DPH6: variants seen among roughly 807,000 people sequenced by gnomAD.
DPH6 encodes diphthamine biosynthesis 6, also known as diphthine--ammonia ligase.
Under a neutral mutation model 38.2 loss-of-function variants are expected in DPH6, and 33 were observed. That is an observed-to-expected ratio of 0.86 (90% confidence interval 0.65 to 1.15). The LOEUF (loss-of-function observed/expected upper bound fraction) is 1.15, where lower values mean the gene tolerates loss of function less well. DPH6 is among the 50% of genes most tolerant of loss of function. DPH6 has a pLI of 0.00. For missense variants in DPH6, 325 were observed against 320.0 expected (o/e 1.02, Z -0.12); for synonymous variants, 108 against 103.0 (o/e 1.05, Z -0.30).
chr15:35,317,016 G>C (rs751968907), intron 3 of DPH6, among the ~76,000 whole-genome samples: 2 of 152,182 alleles, frequency 1.3e-5, no homozygotes, highest in Non-Finnish European at 2.9e-5. Flanking sequence ...CCAGCTGTTT[G>C]TAAGGCTGAG....
At chr15:35,437,957 A>G (rs1357023820) in intron 5 of DPH6, among the ~76,000 whole-genome samples, 1 of 152,186 alleles carries the variant, frequency 6.6e-6, no homozygotes, top group Non-Finnish European at 1.5e-5. Flanking sequence ...TCCACAAATC[A>G]CCTTGAATTT....
intron 6 of DPH6, 109 bp downstream of exon 6, chr15:35,410,720 ATGAATG>A (rs1241205306): frequency 1.3e-6 from 1 of 757,186 alleles, no homozygotes; most frequent in African/African-American, 1.9e-5. Flanking sequence ...TAAATATATT[ATGAATG>A]TATTTGATTT....
intron 3 of DPH6, among the ~76,000 whole-genome samples, chr15:35,361,892 A>G (rs565333130): frequency 3.0e-4 from 44 of 147,546 alleles, no homozygotes; most frequent in Non-Finnish European, 5.3e-4. Flanking sequence ...CTTTGTAATG[A>G]TTACTTTGAA....
chr15:35,428,561 G>T (rs1328024309), intron 5 of DPH6, among the ~76,000 whole-genome samples: 1 of 152,086 alleles, frequency 6.6e-6, no homozygotes, highest in Non-Finnish European at 1.5e-5. Flanking sequence ...TGGGCCTGGG[G>T]CAATCTCCTG....
chr15:35,385,287 T>G (rs185838912), intron 6 of DPH6, among the ~76,000 whole-genome samples: 1 of 152,332 alleles, frequency 6.6e-6, no homozygotes, highest in African/African-American at 2.4e-5. Context: ...CAAAGGATTA[T>G]AAATCATTCT....
intron 3 of DPH6, among the ~76,000 whole-genome samples, chr15:35,358,323 C>CT (rs2052585310): frequency 6.6e-6 from 1 of 152,064 alleles, no homozygotes; most frequent in Non-Finnish European, 1.5e-5. Flanking sequence ...TAGGCTTTGC[C>CT]TTTCTCTGGT....
chr15:35,210,563 C>A, the DPH6 span, among the ~76,000 whole-genome samples: 1 of 152,158 alleles, frequency 6.6e-6, no homozygotes, highest in Non-Finnish European at 1.5e-5. Context: ...ATATGTCATA[C>A]ACTATTTTAA....
At chr15:35,265,419 C>A (rs1486711607) in intron 3 of DPH6, among the ~76,000 whole-genome samples, 1 of 152,214 alleles carries the variant, frequency 6.6e-6, no homozygotes, top group Non-Finnish European at 1.5e-5. Context: ...TGTAGCCAGA[C>A]TGAACTGACA....
At chr15:35,147,853 T>C in the DPH6 span, among the ~76,000 whole-genome samples, 1 of 152,154 alleles carries the variant, frequency 6.6e-6, no homozygotes, top group African/African-American at 2.4e-5. Flanking sequence ...ATTCAGAAAA[T>C]GCTTGCCTTG....
chr15:35,535,382 T>C (rs1044871739), intron 3 of DPH6, among the ~76,000 whole-genome samples: 3 of 152,120 alleles, frequency 2.0e-5, no homozygotes, highest in African/African-American at 4.8e-5. Flanking sequence ...ATTTTCAAAA[T>C]GGAAAGATTC....
intron 6 of DPH6, among the ~76,000 whole-genome samples, chr15:35,388,127 T>C (rs1211250830): frequency 6.6e-6 from 1 of 152,250 alleles, no homozygotes; most frequent in Non-Finnish European, 1.5e-5. Flanking sequence ...TGGTTCTGTT[T>C]ATATGCTGGA....
intron 6 of DPH6, among the ~76,000 whole-genome samples, chr15:35,384,785 T>C (rs1401975910): frequency 6.6e-6 from 1 of 152,212 alleles, no homozygotes; most frequent in East Asian, 1.9e-4. Context: ...CTAATTAAAC[T>C]AGGGAGCTTC....
intron 3 of DPH6, among the ~76,000 whole-genome samples, chr15:35,364,304 T>A: frequency 6.6e-6 from 1 of 152,108 alleles, no homozygotes; most frequent in East Asian, 1.9e-4. Context: ...AGCACTTTGT[T>A]CTATTTATCA....
intron 3 of DPH6, among the ~76,000 whole-genome samples, chr15:35,262,106 A>G (rs985806220): frequency 1.3e-5 from 2 of 152,232 alleles, no homozygotes; most frequent in Non-Finnish European, 2.9e-5. Flanking sequence ...TGAATGTGTT[A>G]GAAAGACTAC....
downstream of DPH6, among the ~76,000 whole-genome samples, chr15:35,213,779 G>A (rs1009401287): frequency 2.6e-5 from 4 of 152,126 alleles, no homozygotes; most frequent in Admixed American, 6.6e-5. Context: ...CCAAACCCAC[G>A]CAGTGCTTAC....
intron 3 of DPH6, among the ~76,000 whole-genome samples, chr15:35,348,273 GTAGTT>G (rs1387546009): frequency 6.6e-6 from 1 of 152,056 alleles, no homozygotes; most frequent in African/African-American, 2.4e-5. Flanking sequence ...CAGAAGTTTT[GTAGTT>G]TAAAGTATTA....
intron 3 of DPH6, among the ~76,000 whole-genome samples, chr15:35,262,354 T>C (rs993620753): frequency 6.6e-6 from 1 of 152,210 alleles, no homozygotes; most frequent in Non-Finnish European, 1.5e-5. Flanking sequence ...ATACATTTAA[T>C]TCATATTTAC....
intron 3 of DPH6, among the ~76,000 whole-genome samples, chr15:35,338,934 A>C (rs2140874638): frequency 6.6e-6 from 1 of 152,254 alleles, no homozygotes; most frequent in African/African-American, 2.4e-5. Flanking sequence ...TCACAAGGAC[A>C]AAAAACCAAA....
chr15:35,388,486 T>C (rs1202305323), intron 6 of DPH6, among the ~76,000 whole-genome samples: 1 of 152,208 alleles, frequency 6.6e-6, no homozygotes, highest in Non-Finnish European at 1.5e-5. Flanking sequence ...CTGTTTTTAT[T>C]GGTAAGCTAT....
Sources: allele counts gnomAD v4.1 joint callset (sites outside exome capture counted in the v4.1 genomes callset), GRCh38; gene constraint gnomAD v4.1.1; transcripts MANE v1.5; gene names NCBI Gene and HGNC (gene_info 2026-07-23, HGNC 2026-07-21).